The following NECTIN2 variants were observed in gnomAD, a reference collection of about 807,000 sequenced individuals.
NECTIN2 encodes nectin cell adhesion molecule 2.
NECTIN2 carries 23 observed loss-of-function variants against 56.9 expected under a neutral mutation model. The ratio of observed to expected loss-of-function variants is 0.40; its 90% CI spans 0.29 to 0.57. The LOEUF (loss-of-function observed/expected upper bound fraction) is 0.57. Among genes scored for constraint, NECTIN2 ranks in the 20% least tolerant of loss-of-function variants. The probability of loss-of-function intolerance (pLI) is 0.38; values close to 1 mark genes in which losing one functional copy is unlikely to be tolerated. For missense variants in NECTIN2, 587 were observed against 718.3 expected (o/e 0.82, Z 2.09); for synonymous variants, 302 against 313.8 (o/e 0.96, Z 0.40).
chr19:44,859,160 C>T (rs1969003506), intron 1 of NECTIN2, among the ~76,000 whole-genome samples: 1 of 152,156 alleles, frequency 6.6e-6, no homozygotes, highest in Non-Finnish European at 1.5e-5. Context: ...CAGAGCTGGG[C>T]AGTGGTGTTG....
At chr19:44,883,208 G>A (rs1969327079) in intron 6 of NECTIN2, among the ~76,000 whole-genome samples, 1 of 148,712 alleles carries the variant, frequency 6.7e-6, no homozygotes, top group African/African-American at 2.4e-5. Flanking sequence ...TGAAGATAAA[G>A]AGTAACACTG....
At chr19:44,878,557 C>G (rs771804477) in intron 5 of NECTIN2, 4 of 1,613,694 alleles carry the variant, frequency 2.5e-6, no homozygotes, top group Admixed American at 1.7e-5. Flanking sequence ...CCCCAGCACT[C>G]GAGGATGACA....
At position 44,869,609 on chromosome 19, in the gene NECTIN2, AG is replaced by A. The variant is rs200596754; in HGVS notation, c.479-2243del. On this transcript the variant is annotated intron_variant, in intron 2 of 8. Transcript: ENST00000252483. ...CTCCATCTCAAAAAAAAAAAAAAAA[AG>A]AAAAGAAAATATGATTAAGTGTAGG... Among the ~76,000 whole-genome samples the A allele has an allele frequency of 1.8e-3, 257 of 141,338 alleles. 21 individuals carry two copies. The highest frequency in any genetic ancestry group is 5.0e-3 in the East Asian group (25 of 5,048). The allele number at this position is 141,338 out of a possible 152,430, so 92.7% of individuals were successfully genotyped here.
intron 1 of NECTIN2, among the ~76,000 whole-genome samples, chr19:44,853,236 C>T (rs536723753): frequency 6.6e-6 from 1 of 152,190 alleles, no homozygotes; most frequent in South Asian, 2.1e-4. Flanking sequence ...TCCCTCTGTC[C>T]CCCCAGCTGG....
At chr19:44,857,751 C>T (rs1968984596) in intron 1 of NECTIN2, among the ~76,000 whole-genome samples, 1 of 145,370 alleles carries the variant, frequency 6.9e-6, no homozygotes, top group African/African-American at 2.5e-5. Flanking sequence ...CTATATTGTC[C>T]AGGCTGGTCT....
chr19:44,875,847 T>C lies in NECTIN2; in HGVS notation c.1042+1369T>C, dbSNP rs1468507450. Among the ~76,000 whole-genome samples the C allele has an allele frequency of 6.6e-6, 1 of 152,148 alleles. No homozygotes were observed. On this transcript the variant is annotated intron_variant, in intron 5 of 8. Transcript: ENST00000252483. This position sits in a 1 kb window ranked among gnomAD's most constrained non-coding sequence, Gnocchi z 4.2. ...TACAGCCAGGGAGATAGGACACCCC[T>C]ACGGGAAACACTGTCACAGACAGCA...
chr19:44,871,724 C>A (rs1969176046), intron 2 of NECTIN2, 129 bp from the exon 3 acceptor site: 1 of 1,044,940 alleles, frequency 9.6e-7, no homozygotes, highest in African/African-American at 1.6e-5. Context: ...CCAAGCCAGG[C>A]CGCTGATAAG....
In NECTIN2 at chr19:44,850,703, A is replaced by G. The variant is rs181646060; in HGVS notation, c.88+4090A>G. Among the ~76,000 whole-genome samples, 18 of 152,294 alleles carry G rather than the reference A, an allele frequency of 1.2e-4. No individual in the cohort carries two copies. In the East Asian group the frequency reaches 3.3e-3, roughly 28 times the overall value. On this transcript the variant is annotated intron_variant, in intron 1 of 8. Transcript: ENST00000252483. ...GGCCAGGGGGCAGGTGCAGAAATCC[A>G]GGCACAGACAGACAGCCCTACATCC...
intron 1 of NECTIN2, among the ~76,000 whole-genome samples, chr19:44,856,519 C>CT (rs1568587981): frequency 6.6e-6 from 1 of 152,180 alleles, no homozygotes; most frequent in African/African-American, 2.4e-5. Context: ...AGGAAACTAA[C>CT]TTCCTCGGCC....
chr19:44,870,477 ACAT>A (rs778221833), intron 2 of NECTIN2, among the ~76,000 whole-genome samples: 51 of 152,308 alleles, frequency 3.3e-4, no homozygotes, highest in Non-Finnish European at 5.9e-4. Flanking sequence ...TGGGGGACAC[ACAT>A]CATAAGCATG....
intron 5 of NECTIN2, among the ~76,000 whole-genome samples, chr19:44,879,339 C>A (rs565320469): frequency 6.6e-6 from 1 of 152,074 alleles, no homozygotes; most frequent in Non-Finnish European, 1.5e-5. Context: ...AGGTTCCCTG[C>A]GTCCTGAGAG....
In NECTIN2 at chr19:44,882,343, A is replaced by AG; in HGVS notation, c.1180dup (p.Ala394GlyfsTer48). The AG allele has an allele frequency of 1.4e-6, 2 of 1,477,024 alleles. No individual in the cohort carries two copies. Among genetic ancestry groups the AG allele is most frequent in the Non-Finnish European group, 1.8e-6 (2 of 1,107,010 alleles). 91.5% of individuals were successfully genotyped at this position (1,477,024 alleles called of 1,614,324 possible). ...CAGCAGCGGAAGGAGCAGACGCTGCAGGGGGCAGAGGAGGACGAAGAGTAA... is the reference window on the plus strand; with the variant it reads ...CAGCAGCGGAAGGAGCAGACGCTGCAGGGGGGCAGAGGAGGACGAAGAGTAA... On this transcript the variant is annotated frameshift_variant, in exon 6 of 9. Coordinates refer to ENST00000252483, the MANE Select transcript of NECTIN2 (RefSeq NM_001042724.2). LOFTEE classifies it high-confidence loss of function.
intron 2 of NECTIN2, among the ~76,000 whole-genome samples, chr19:44,871,449 G>T (rs1368905635): frequency 1.3e-5 from 2 of 152,114 alleles, no homozygotes; most frequent in Admixed American, 6.5e-5. Context: ...GATCACTTGA[G>T]CCTAGGAGGT....
At chr19:44,885,153 C>A (rs1309892134) in intron 6 of NECTIN2, among the ~76,000 whole-genome samples, 1 of 150,158 alleles carries the variant, frequency 6.7e-6, no homozygotes, top group African/African-American at 2.5e-5. Flanking sequence ...TGCGCCACCA[C>A]GCCCGGCTAA....
chr19:44,881,452 G>C (rs1969306844), intron 5 of NECTIN2, among the ~76,000 whole-genome samples: 2 of 151,656 alleles, frequency 1.3e-5, no homozygotes, highest in African/African-American at 2.4e-5. Flanking sequence ...CGAGGCGGGA[G>C]GATCACTTGA....
At chr19:44,849,217 G>A (rs1317180320) in intron 1 of NECTIN2, among the ~76,000 whole-genome samples, 1 of 152,052 alleles carries the variant, frequency 6.6e-6, no homozygotes, top group Non-Finnish European at 1.5e-5. Flanking sequence ...AGGGTCGGGG[G>A]AGTGAAATAC....
At chr19:44,851,546 C>T (rs1398539427) in intron 1 of NECTIN2, among the ~76,000 whole-genome samples, 1 of 152,232 alleles carries the variant, frequency 6.6e-6, no homozygotes, top group Non-Finnish European at 1.5e-5. Flanking sequence ...GGGTCTCAAG[C>T]TGTGTCTGTC....
rs1291497397 is a variant in NECTIN2 at position 44,865,708 on chromosome 19, T to A, written c.478+48T>A. ...GCAAGGAGGTGGGAGGGCCGCGGTG[T>A]GGGAGCATCCCCTTGCGGGTCAGTT... On this transcript the variant is annotated intron_variant, in intron 2 of 8. Transcript: ENST00000252483. This position sits in a 1 kb window ranked among gnomAD's most constrained non-coding sequence, Gnocchi z 5.2. 14 of 1,463,280 alleles carry A rather than the reference T, an allele frequency of 9.6e-6. No individual in the cohort carries two copies. The East Asian group carries it at 3.5e-4, about 37-fold the overall frequency. The allele number at this position is 1,463,280 out of a possible 1,614,324, so 90.6% of individuals were successfully genotyped here.
chr19:44,854,221 A>G (rs1968937268), intron 1 of NECTIN2, among the ~76,000 whole-genome samples: 1 of 151,936 alleles, frequency 6.6e-6, no homozygotes, highest in Non-Finnish European at 1.5e-5. Flanking sequence ...CTCTCCCTAA[A>G]GTAGCTGGAA....
Sources: gnomAD v4.1 joint callset for allele counts (sites outside exome capture counted in the v4.1 genomes callset) on GRCh38, gnomAD v4.1.1 for gene constraint, Gnocchi (gnomAD v3.1) non-coding constraint, MANE v1.5 for transcripts, NCBI Gene and HGNC (gene_info 2026-07-23, HGNC 2026-07-21) for gene names.